GRM5: variants seen among roughly 807,000 people sequenced by gnomAD.
GRM5 encodes the protein metabotropic glutamate receptor 5.
GRM5 carries 19 observed loss-of-function variants against 83.1 expected under a neutral mutation model. That is an observed-to-expected ratio of 0.23 (90% CI 0.16 to 0.34). The LOEUF (loss-of-function observed/expected upper bound fraction) is 0.34. Ranked by LOEUF, GRM5 falls within the 10% of genes least tolerant of loss-of-function variation. The pLI, the probability that GRM5 is intolerant of heterozygous loss-of-function variation, is 1.00. For synonymous variants in GRM5, 675 were observed against 633.6 expected (o/e 1.07, Z -0.98); for missense variants, 1,160 against 1,588.3 (o/e 0.73, Z 4.58).
intron 2 of GRM5, among the ~76,000 whole-genome samples, chr11:88,943,961 C>A (rs1435115801): frequency 6.6e-6 from 1 of 151,906 alleles, no homozygotes; most frequent in South Asian, 2.1e-4. Context: ...AGCCTTACCT[C>A]GAGAAGTTGT....
At chr11:88,537,002 C>G (rs557700395) in intron 8 of GRM5, among the ~76,000 whole-genome samples, 1 of 152,130 alleles carries the variant, frequency 6.6e-6, no homozygotes, top group Non-Finnish European at 1.5e-5. Context: ...ACAATTTGGT[C>G]AAGACCCCAT....
At chr11:88,915,817 C>T (rs573448117) in intron 2 of GRM5, among the ~76,000 whole-genome samples, 139 of 152,222 alleles carry the variant, frequency 9.1e-4, no homozygotes, top group African/African-American at 2.6e-3. Flanking sequence ...GGCTTGATAA[C>T]TAGAGGTTTT....
rs374707787 is a variant in GRM5 at position 88,509,261 on chromosome 11, G to T, written c.2970C>A (p.Pro990=). The T allele has an allele frequency of 4.8e-6, 7 of 1,472,600 alleles. No homozygotes were observed. In the South Asian group the frequency reaches 5.3e-5, roughly 11 times the overall value. The allele number at this position is 1,472,600 out of a possible 1,614,324, so 91.2% of individuals were successfully genotyped here. A position where few individuals can be genotyped will look rare whatever the true frequency, so the allele number is the denominator to read the frequency against. The change falls in exon 10 of 10, where the codon CCC becomes CCA. Residue 990 remains proline, a synonymous_variant. Coordinates refer to ENST00000305447, the MANE Select transcript of GRM5 (RefSeq NM_001143831.3). ...AGCAGAGPGG[P]ESPDAGPKAL... ...CCTTGGGGCCGGCGTCTGGGGACTCGGGCCCGCCTGGGCCGGCGCCTGCGC... is the reference window on the plus strand; with the variant it reads ...CCTTGGGGCCGGCGTCTGGGGACTCTGGCCCGCCTGGGCCGGCGCCTGCGC...
chr11:88,945,711 C>T (rs746614502), intron 2 of GRM5, among the ~76,000 whole-genome samples: 2 of 152,078 alleles, frequency 1.3e-5, no homozygotes, highest in Non-Finnish European at 2.9e-5. Context: ...TGGACTCCTA[C>T]CTTTTACCAT....
chr11:88,708,033 T>C (rs1337156654), intron 3 of GRM5, among the ~76,000 whole-genome samples: 1 of 152,136 alleles, frequency 6.6e-6, no homozygotes, highest in African/African-American at 2.4e-5. Flanking sequence ...TCCTCAGTTT[T>C]CTTTATATTC....
intron 7 of GRM5, among the ~76,000 whole-genome samples, chr11:88,588,180 A>G (rs1212039979): frequency 6.6e-6 from 1 of 152,168 alleles, no homozygotes; most frequent in African/African-American, 2.4e-5. Context: ...TTGTTGTTTT[A>G]AAGAAGTGTT....
chr11:88,775,115 T>A (rs11021289), intron 3 of GRM5, among the ~76,000 whole-genome samples: 109,931 of 152,000 alleles, frequency 0.72, 40,182 homozygotes, highest in African/African-American at 0.75. Flanking sequence ...CCTCAATTTC[T>A]GAGCCTGTTA....
At chr11:88,925,639 G>A (rs1252056957) in intron 2 of GRM5, 1 of 405,974 alleles carries the variant, frequency 2.5e-6, no homozygotes, top group African/African-American at 2.1e-5. Context: ...CCGGGTGCTG[G>A]GGTGGCTCAT....
At chr11:88,878,038 G>A (rs1252453090) in intron 2 of GRM5, among the ~76,000 whole-genome samples, 1 of 151,048 alleles carries the variant, frequency 6.6e-6, no homozygotes, top group African/African-American at 2.4e-5. Context: ...GAGAAGGAAA[G>A]TAAAATATAC....
intron 3 of GRM5, among the ~76,000 whole-genome samples, chr11:88,704,510 G>T (rs1234938465): frequency 1.3e-5 from 2 of 151,922 alleles, no homozygotes; most frequent in Admixed American, 1.3e-4. Context: ...AGAAAAATAA[G>T]CCCAGCATAT....
intron 3 of GRM5, among the ~76,000 whole-genome samples, chr11:88,759,823 G>A (rs916536437): frequency 2.6e-5 from 4 of 152,016 alleles, no homozygotes; most frequent in African/African-American, 9.7e-5. Flanking sequence ...CACATAATCA[G>A]ACATAAAACA....
intron 4 of GRM5, among the ~76,000 whole-genome samples, chr11:88,630,770 G>T (rs1439485171): frequency 3.9e-5 from 6 of 152,096 alleles, no homozygotes; most frequent in Admixed American, 1.3e-4. Context: ...TAGAGACGGG[G>T]TTTCTCCATG....
rs564057493 is a variant in GRM5, at chr11:88,996,632, G to A, written c.661+50580C>T. Among the ~76,000 whole-genome samples the A allele has an allele frequency of 5.3e-5, 8 of 152,320 alleles. No homozygotes were observed. In the East Asian group the frequency reaches 1.2e-3, roughly 22 times the overall value. Reference sequence around the variant, plus strand: ...ATTGACAGAACTAGACATAAAATCAGTAAGGATATAGACAAACATATCTAG... The same window carrying A: ...ATTGACAGAACTAGACATAAAATCAATAAGGATATAGACAAACATATCTAG... On this transcript the variant is annotated intron_variant, in intron 2 of 9. Transcript: ENST00000305447.
chr11:88,918,216 C>CA, intron 2 of GRM5, among the ~76,000 whole-genome samples: 1 of 151,038 alleles, frequency 6.6e-6, no homozygotes, highest in African/African-American at 2.4e-5. Context: ...AAAAACAAAC[C>CA]AAACAAACAA....
chr11:88,896,892 G>A (rs1334882925), intron 2 of GRM5, among the ~76,000 whole-genome samples: 3 of 151,824 alleles, frequency 2.0e-5, no homozygotes, highest in Non-Finnish European at 4.4e-5. Context: ...TCAGCCAAAT[G>A]TCTGAGCACC....
chr11:88,581,368 A>G (rs1022161789), intron 7 of GRM5, among the ~76,000 whole-genome samples: 2 of 152,216 alleles, frequency 1.3e-5, no homozygotes, highest in Non-Finnish European at 2.9e-5. Context: ...AATTTTATGG[A>G]AGAGAAAGCT....
At chr11:88,799,073 T>C (rs1943340244) in intron 3 of GRM5, among the ~76,000 whole-genome samples, 1 of 151,488 alleles carries the variant, frequency 6.6e-6, no homozygotes. Context: ...TGAAGGGAAA[T>C]TTTATAATAC....
intron 2 of GRM5, among the ~76,000 whole-genome samples, chr11:88,983,386 T>A (rs963613602): frequency 1.3e-5 from 2 of 152,212 alleles, no homozygotes; most frequent in African/African-American, 4.8e-5. Context: ...ATTGCCAGAA[T>A]GTTTTGGTCA....
chr11:88,943,487 G>T (rs572927603), intron 2 of GRM5, among the ~76,000 whole-genome samples: 19 of 152,052 alleles, frequency 1.2e-4, no homozygotes, highest in African/African-American at 4.3e-4. Flanking sequence ...CATATCTATG[G>T]AAGCATATTG....
Sources: allele counts gnomAD v4.1 joint callset (sites outside exome capture counted in the v4.1 genomes callset), GRCh38; gene constraint gnomAD v4.1.1; transcripts MANE v1.5; gene names NCBI Gene and HGNC (gene_info 2026-07-23, HGNC 2026-07-21).